DOK6: variants seen among roughly 807,000 people sequenced by gnomAD.
DOK6 encodes the protein docking protein 6.
In DOK6, 22 loss-of-function variants were observed where a neutral mutation model predicts 44.0. The ratio of observed to expected loss-of-function variants is 0.50; its 90% CI spans 0.36 to 0.71. DOK6 has a LOEUF of 0.71. DOK6 is among the 30% of genes least tolerant of loss of function. The pLI is 0.00. For synonymous variants in DOK6, 166 were observed against 145.5 expected (o/e 1.14, Z -1.01); for missense variants, 340 against 416.4 (o/e 0.82, Z 1.60).
chr18:69,624,498 T>C (rs544117969), intron 3 of DOK6, among the ~76,000 whole-genome samples: 1 of 152,234 alleles, frequency 6.6e-6, no homozygotes, highest in South Asian at 2.1e-4. Flanking sequence ...GTCTCACTGC[T>C]AAAAATTGTT....
chr18:69,450,599 A>G (rs1171129752), intron 1 of DOK6, among the ~76,000 whole-genome samples: 1 of 150,882 alleles, frequency 6.6e-6, no homozygotes, highest in African/African-American at 2.4e-5. Context: ...ACTCCAAGAC[A>G]CATAATTGTC....
chr18:69,566,303 A>T (rs1200345473), intron 2 of DOK6, among the ~76,000 whole-genome samples: 1 of 151,870 alleles, frequency 6.6e-6, no homozygotes, highest in Non-Finnish European at 1.5e-5. Context: ...CACCCAGCTA[A>T]TTTTTTGTGT....
chr18:69,621,624 G>C (rs542489975), intron 3 of DOK6, among the ~76,000 whole-genome samples: 1 of 152,144 alleles, frequency 6.6e-6, no homozygotes, highest in African/African-American at 2.4e-5. Flanking sequence ...GAATTGAAAA[G>C]ATCATGGGAT....
intron 1 of DOK6, among the ~76,000 whole-genome samples, chr18:69,556,880 A>G (rs1568295666): frequency 6.6e-6 from 1 of 152,326 alleles, no homozygotes; most frequent in South Asian, 2.1e-4. Flanking sequence ...ACTTTTTTAC[A>G]CAAACCAAGT....
At chr18:69,524,075 T>C (rs1489268451) in intron 1 of DOK6, among the ~76,000 whole-genome samples, 1 of 152,028 alleles carries the variant, frequency 6.6e-6, no homozygotes, top group African/African-American at 2.4e-5. Context: ...TTACAGGAGA[T>C]TTTTATCCAA....
intron 1 of DOK6, among the ~76,000 whole-genome samples, chr18:69,415,013 A>T (rs572591030): frequency 1.1e-4 from 16 of 152,108 alleles, no homozygotes; most frequent in African/African-American, 3.9e-4. Flanking sequence ...AATATCTTTA[A>T]CTCTCACTTT....
intron 2 of DOK6, among the ~76,000 whole-genome samples, chr18:69,587,723 A>G (rs1983536090): frequency 6.6e-6 from 1 of 151,352 alleles, no homozygotes; most frequent in Non-Finnish European, 1.5e-5. Context: ...TGTTTTGTGA[A>G]TTTTTGTTTT....
intron 3 of DOK6, among the ~76,000 whole-genome samples, chr18:69,625,855 T>C (rs892034039): frequency 1.3e-5 from 2 of 152,218 alleles, no homozygotes; most frequent in Non-Finnish European, 2.9e-5. Flanking sequence ...GTTTAATGCA[T>C]AAATATTATC....
intron 1 of DOK6, among the ~76,000 whole-genome samples, chr18:69,475,044 C>T (rs1334093182): frequency 6.6e-6 from 1 of 152,090 alleles, no homozygotes; most frequent in African/African-American, 2.4e-5. Context: ...CAGAAGGGTA[C>T]ATTTTGCATT....
intron 4 of DOK6, among the ~76,000 whole-genome samples, chr18:69,688,262 A>G (rs1986193469): frequency 6.6e-6 from 1 of 152,214 alleles, no homozygotes; most frequent in Non-Finnish European, 1.5e-5. Flanking sequence ...ATCAGTCTTC[A>G]GAGATTGATC....
At chr18:69,597,702 T>A (rs1448961651) in intron 2 of DOK6, among the ~76,000 whole-genome samples, 2 of 151,950 alleles carry the variant, frequency 1.3e-5, no homozygotes, top group Admixed American at 1.3e-4. Context: ...AGACACAGCA[T>A]CGCCTGCTCA....
intron 5 of DOK6, among the ~76,000 whole-genome samples, chr18:69,717,811 T>C (rs1374956372): frequency 6.6e-6 from 1 of 152,194 alleles, no homozygotes; most frequent in Non-Finnish European, 1.5e-5. Flanking sequence ...GTTGTGAGTG[T>C]GGGCTGTATA....
intron 7 of DOK6, among the ~76,000 whole-genome samples, chr18:69,798,830 T>C (rs192142520): frequency 2.2e-4 from 33 of 152,024 alleles, no homozygotes; most frequent in African/African-American, 7.9e-4. Context: ...CACTTCATGA[T>C]CTGTTCTTTA....
chr18:69,401,425 C>T, intron 1 of DOK6, 115 bp downstream of exon 1: 1 of 1,201,392 alleles, frequency 8.3e-7, no homozygotes, highest in South Asian at 2.2e-5. Flanking sequence ...AGGGACCCGG[C>T]CCTTAGGCGG....
chr18:69,835,278 C>T (rs1473242763), intron 7 of DOK6, among the ~76,000 whole-genome samples: 5 of 152,042 alleles, frequency 3.3e-5, no homozygotes, highest in Admixed American at 6.5e-5. Context: ...TTGGCTAACA[C>T]GGTGAAACCC....
chr18:69,439,180 A>G (rs1979068998), intron 1 of DOK6, among the ~76,000 whole-genome samples: 1 of 152,204 alleles, frequency 6.6e-6, no homozygotes, highest in African/African-American at 2.4e-5. Context: ...TTTTCTAAGC[A>G]GTAGGTCTCA....
At chr18:69,574,230 G>A (rs766857118) in intron 2 of DOK6, among the ~76,000 whole-genome samples, 11 of 151,956 alleles carry the variant, frequency 7.2e-5, no homozygotes, top group South Asian at 2.1e-4. Flanking sequence ...ACTAGGGATC[G>A]TAATTGTCCT....
At chr18:69,521,305 G>A (rs1051966473) in intron 1 of DOK6, among the ~76,000 whole-genome samples, 7 of 151,614 alleles carry the variant, frequency 4.6e-5, no homozygotes, top group African/African-American at 1.4e-4. Context: ...TTGTAATCTC[G>A]ATCATCAAGG....
At chr18:69,661,785 G>A (rs1190671743) in intron 3 of DOK6, 3 of 152,078 alleles carry the variant, frequency 2.0e-5, no homozygotes, top group African/African-American at 7.2e-5. Flanking sequence ...CAATGTGAAG[G>A]AAAAGTAGAA....
Sources: allele counts gnomAD v4.1 joint callset (sites outside exome capture counted in the v4.1 genomes callset), GRCh38; gene constraint gnomAD v4.1.1; transcripts MANE v1.5; gene names NCBI Gene and HGNC (gene_info 2026-07-23, HGNC 2026-07-21).